KALRN: variants seen among roughly 807,000 people sequenced by gnomAD.
KALRN encodes the protein kalirin.
KALRN carries 70 observed loss-of-function variants against 353.7 expected under a neutral mutation model. That is an observed-to-expected ratio of 0.20 (90% CI 0.16 to 0.24). The LOEUF is 0.24. Among genes scored for constraint, KALRN ranks in the 10% least tolerant of loss-of-function variants. The probability of loss-of-function intolerance (pLI) is 1.00; values close to 1 mark genes in which losing one functional copy is unlikely to be tolerated. For synonymous variants in KALRN, 1,391 were observed against 1,434.8 expected (o/e 0.97, Z 0.69); for missense variants, 2,791 against 3,756.7 (o/e 0.74, Z 6.72).
At chr3:124,601,053 G>A (rs1232513747) in intron 34 of KALRN, among the ~76,000 whole-genome samples, 1 of 152,208 alleles carries the variant, frequency 6.6e-6, no homozygotes, top group African/African-American at 2.4e-5. Context: ...AGCCAAGCAT[G>A]GGTTAGGAGG....
chr3:124,270,467 T>C (rs766968439), intron 5 of KALRN, among the ~76,000 whole-genome samples: 1 of 152,236 alleles, frequency 6.6e-6, no homozygotes, highest in Non-Finnish European at 1.5e-5. Context: ...AATTTCTCTG[T>C]ATAATTTTAT....
At chr3:124,288,094 C>T (rs1015415401) in intron 5 of KALRN, among the ~76,000 whole-genome samples, 6 of 151,930 alleles carry the variant, frequency 3.9e-5, no homozygotes, top group South Asian at 2.1e-4. Flanking sequence ...AGGCTGGTCT[C>T]GAGCTCCTGA....
At chr3:124,153,182 A>G (rs1382590665) in intron 1 of KALRN, 1 of 152,848 alleles carries the variant, frequency 6.5e-6, no homozygotes, top group Non-Finnish European at 1.4e-5. Flanking sequence ...TTAGTTACAT[A>G]TGTACACATG....
intron 57 of KALRN, among the ~76,000 whole-genome samples, chr3:124,709,247 A>G (rs905373062): frequency 6.6e-6 from 1 of 152,152 alleles, no homozygotes; most frequent in Non-Finnish European, 1.5e-5. Flanking sequence ...GAAACAAAAA[A>G]TGAAAACAGA....
chr3:124,714,670 G>A (rs1156683681), intron 58 of KALRN, among the ~76,000 whole-genome samples: 2 of 152,184 alleles, frequency 1.3e-5, no homozygotes, highest in Non-Finnish European at 2.9e-5. Context: ...AGGGTCGGGG[G>A]AACAAAGTTA....
At chr3:124,471,030 A>T (rs2060834554) in intron 25 of KALRN, among the ~76,000 whole-genome samples, 1 of 152,054 alleles carries the variant, frequency 6.6e-6, no homozygotes, top group South Asian at 2.1e-4. Flanking sequence ...CCTGCTGCAG[A>T]TTTTTCAGCA....
intron 5 of KALRN, among the ~76,000 whole-genome samples, chr3:124,297,884 A>G (rs2076968882): frequency 6.6e-6 from 1 of 152,228 alleles, no homozygotes; most frequent in African/African-American, 2.4e-5. Flanking sequence ...TGGCTGCAGC[A>G]ATTTGAGGTC....
intron 34 of KALRN, among the ~76,000 whole-genome samples, chr3:124,592,975 C>G (rs2075951200): frequency 6.6e-6 from 1 of 152,182 alleles, no homozygotes; most frequent in Admixed American, 6.5e-5. Flanking sequence ...GAGGGAAACC[C>G]CTTCTGCTGC....
At position 124,702,006 on chromosome 3, in the gene KALRN, G is replaced by T. The variant is rs754761210; in HGVS notation, c.7997-32G>T. On this transcript the variant is annotated intron_variant, in intron 56 of 59. Transcript: ENST00000682506. The stretch of plus-strand genomic sequence containing the variant: ...TTCTTTATTCTTATATGACATCCTC[G>T]ATATTGTAAATGGATTCTCTTTCTT... The T allele has an allele frequency of 2.6e-6, 4 of 1,556,196 alleles. No individual in the cohort carries two copies. In the East Asian group the frequency reaches 9.0e-5, roughly 35 times the overall value.
intron 59 of KALRN, 106 bp downstream of exon 59, chr3:124,717,491 C>T (rs13084017): frequency 3.0e-6 from 2 of 661,522 alleles, no homozygotes; most frequent in South Asian, 2.9e-5. Context: ...TCGAGACCAT[C>T]CTGGCTGACA....
chr3:124,192,542 C>T (rs1437486525), intron 1 of KALRN, among the ~76,000 whole-genome samples: 3 of 152,116 alleles, frequency 2.0e-5, no homozygotes, highest in Non-Finnish European at 4.4e-5. Flanking sequence ...TTATTTGTAA[C>T]TCGAAGGATA....
chr3:124,300,306 C>T (rs772056463), intron 6 of KALRN, among the ~76,000 whole-genome samples: 1 of 152,082 alleles, frequency 6.6e-6, no homozygotes, highest in South Asian at 2.1e-4. Flanking sequence ...AGAGATATGC[C>T]GAGTTAACCA....
chr3:124,659,078 A>T (rs1399184383), intron 42 of KALRN, among the ~76,000 whole-genome samples: 3 of 152,148 alleles, frequency 2.0e-5, no homozygotes, highest in Admixed American at 2.0e-4. Flanking sequence ...TGGTGGAGAG[A>T]ATAAGGCCCC....
At chr3:124,707,964 G>A (rs2062717668) in intron 57 of KALRN, among the ~76,000 whole-genome samples, 1 of 152,228 alleles carries the variant, frequency 6.6e-6, no homozygotes, top group African/African-American at 2.4e-5. Flanking sequence ...GGACTATGAT[G>A]TAAACCACTG....
intron 34 of KALRN, among the ~76,000 whole-genome samples, chr3:124,629,530 A>G (rs1421004458): frequency 5.3e-5 from 8 of 152,276 alleles, no homozygotes. Flanking sequence ...CAAAGGATCT[A>G]TTACTGGCTG....
intron 51 of KALRN, among the ~76,000 whole-genome samples, chr3:124,692,737 G>A (rs1427958799): frequency 6.6e-6 from 1 of 152,194 alleles, no homozygotes. Flanking sequence ...TAATCTTTGT[G>A]ATAACACTTT....
intron 1 of KALRN, among the ~76,000 whole-genome samples, chr3:124,129,806 A>G (rs1309514228): frequency 1.3e-5 from 2 of 152,148 alleles, no homozygotes; most frequent in Non-Finnish European, 2.9e-5. Flanking sequence ...CTCTAAAGCC[A>G]AGGTCATCAG....
At chr3:124,576,923 T>G (rs1561324690) in intron 34 of KALRN, among the ~76,000 whole-genome samples, 1 of 152,280 alleles carries the variant, frequency 6.6e-6, no homozygotes, top group East Asian at 1.9e-4. Context: ...AGGTAAACGT[T>G]TTTGGAAGTA....
At chr3:124,683,814 A>G (rs1313372069) in intron 51 of KALRN, among the ~76,000 whole-genome samples, 1 of 152,218 alleles carries the variant, frequency 6.6e-6, no homozygotes, top group Non-Finnish European at 1.5e-5. Context: ...GGGCTCTGAA[A>G]GATTAGAGAG....
Sources: gnomAD v4.1 joint callset for allele counts (sites outside exome capture counted in the v4.1 genomes callset) on GRCh38, gnomAD v4.1.1 for gene constraint, MANE v1.5 for transcripts, NCBI Gene and HGNC (gene_info 2026-07-23, HGNC 2026-07-21) for gene names.